The following LRRC37A2 variants were observed in gnomAD, a reference collection of about 807,000 sequenced individuals.
LRRC37A2 encodes the protein leucine-rich repeat-containing protein 37A2.
Under a neutral mutation model 68.8 loss-of-function variants are expected in LRRC37A2, and 9 were observed. The observed-to-expected ratio is 0.13, with a 90% CI of 0.08 to 0.23. The LOEUF is 0.23. Among genes scored for constraint, LRRC37A2 ranks in the 10% least tolerant of loss-of-function variants. LRRC37A2 has a pLI of 1.00. For synonymous variants in LRRC37A2, 63 were observed against 367.6 expected (o/e 0.17, Z 9.48); for missense variants, 168 against 950.4 (o/e 0.18, Z 10.82).
the LRRC37A2 span, among the ~76,000 whole-genome samples, chr17:46,834,188 C>G: frequency 6.6e-6 from 1 of 152,096 alleles, no homozygotes; most frequent in African/African-American, 2.4e-5. Flanking sequence ...GAGTGAGACC[C>G]TGTTTCAAAA....
chr17:46,749,687 T>G, the LRRC37A2 span: 1 of 1,263,698 alleles, frequency 7.9e-7, no homozygotes, highest in Non-Finnish European at 1.1e-6. Context: ...TAAATAAAAG[T>G]CTTTTGCAAA....
chr17:46,836,713 G>T, the LRRC37A2 span, among the ~76,000 whole-genome samples: 1 of 152,212 alleles, frequency 6.6e-6, no homozygotes, highest in Non-Finnish European at 1.5e-5. Context: ...GGCAAGCCAG[G>T]CTGGAGGTGA....
At chr17:46,859,667 G>A in the LRRC37A2 span, among the ~76,000 whole-genome samples, 3 of 152,124 alleles carry the variant, frequency 2.0e-5, no homozygotes, top group African/African-American at 7.2e-5. Context: ...AATTGCATGG[G>A]CTATTCAGGG....
the LRRC37A2 span, chr17:46,874,883 G>T: frequency 1.4e-6 from 1 of 714,180 alleles, no homozygotes; most frequent in Non-Finnish European, 2.4e-6. Context: ...CAGCCTGGAA[G>T]TTCCATTTAA....
At chr17:46,752,309 G>A in the LRRC37A2 span, among the ~76,000 whole-genome samples, 1 of 152,056 alleles carries the variant, frequency 6.6e-6, no homozygotes, top group Admixed American at 6.5e-5. Context: ...CCCATGCTGT[G>A]TCTTCTTGTC....
chr17:46,970,557 A>C, the LRRC37A2 span, among the ~76,000 whole-genome samples: 1 of 151,500 alleles, frequency 6.6e-6, no homozygotes, highest in East Asian at 1.9e-4. Context: ...AAAAAAAAAA[A>C]AAACTCAAGA....
At chr17:46,961,673 A>C in the LRRC37A2 span, among the ~76,000 whole-genome samples, 1 of 152,366 alleles carries the variant, frequency 6.6e-6, no homozygotes, top group East Asian at 1.9e-4. Context: ...TTTTTAAAAA[A>C]GGTCCAGCTG....
At chr17:47,038,599 CCT>C in the LRRC37A2 span, among the ~76,000 whole-genome samples, 1 of 142,738 alleles carries the variant, frequency 7.0e-6, no homozygotes, top group Non-Finnish European at 1.6e-5. Flanking sequence ...ACTCTCACCC[CCT>C]CCTTTATACT....
At chr17:46,967,520 C>T in the LRRC37A2 span, among the ~76,000 whole-genome samples, 5 of 151,892 alleles carry the variant, frequency 3.3e-5, no homozygotes, top group African/African-American at 1.2e-4. Context: ...TCTCAAAGGG[C>T]GAAGAGAAGG....
the LRRC37A2 span, among the ~76,000 whole-genome samples, chr17:46,943,304 G>C: frequency 6.6e-6 from 1 of 152,192 alleles, no homozygotes; most frequent in Non-Finnish European, 1.5e-5. Context: ...TCTCTGCTGA[G>C]TAAAGCACCT....
the LRRC37A2 span, among the ~76,000 whole-genome samples, chr17:46,874,778 A>C: frequency 6.6e-6 from 1 of 152,136 alleles, no homozygotes; most frequent in African/African-American, 2.4e-5. Context: ...GGGTTTCACC[A>C]TATTGGCCAG....
At chr17:46,392,420 TCTTTCTTTCTC>T in the LRRC37A2 span, among the ~76,000 whole-genome samples, 30 of 54,332 alleles carry the variant, frequency 5.5e-4, no homozygotes, top group African/African-American at 1.6e-3. Context: ...TCTCTCTCTC[TCTTTCTTTCTC>T]TCTTTCTTTC....
At chr17:47,026,988 G>A in the LRRC37A2 span, among the ~76,000 whole-genome samples, 2 of 152,236 alleles carry the variant, frequency 1.3e-5, no homozygotes, top group African/African-American at 4.8e-5. Context: ...TCGGCTCACT[G>A]CAAGCTCCAC....
At chr17:46,676,303 G>T in the LRRC37A2 span, among the ~76,000 whole-genome samples, 61 of 141,442 alleles carry the variant, frequency 4.3e-4, 1 homozygote, top group African/African-American at 1.7e-3. Flanking sequence ...CGTGATCTCG[G>T]CTCACCACAA....
At chr17:46,753,021 G>A in the LRRC37A2 span, among the ~76,000 whole-genome samples, 1 of 152,168 alleles carries the variant, frequency 6.6e-6, no homozygotes, top group Admixed American at 6.5e-5. Flanking sequence ...TGCCCGCCTC[G>A]GCCTCCCAAA....
chr17:46,785,700 A>C, the LRRC37A2 span, among the ~76,000 whole-genome samples: 2 of 152,220 alleles, frequency 1.3e-5, no homozygotes, highest in Non-Finnish European at 2.9e-5. Context: ...GGTTCTGGGC[A>C]GCCGTGGGGA....
the LRRC37A2 span, among the ~76,000 whole-genome samples, chr17:47,014,434 C>T: frequency 2.6e-5 from 4 of 151,690 alleles, no homozygotes; most frequent in East Asian, 1.9e-4. Flanking sequence ...ACTCAAGGGT[C>T]GGATAACATA....
the LRRC37A2 span, among the ~76,000 whole-genome samples, chr17:46,727,793 G>C: frequency 6.6e-6 from 1 of 152,172 alleles, no homozygotes; most frequent in African/African-American, 2.4e-5. Flanking sequence ...TGTCAGGAAT[G>C]TGTGCCCTCT....
At chr17:46,534,775 G>A (rs1390035698) in intron 6 of LRRC37A2, among the ~76,000 whole-genome samples, 1 of 149,078 alleles carries the variant, frequency 6.7e-6, no homozygotes, top group Non-Finnish European at 1.5e-5. Flanking sequence ...GGGGCAGCCG[G>A]GCAGAGGCGC....
Sources: gnomAD v4.1 joint callset for allele counts (sites outside exome capture counted in the v4.1 genomes callset) on GRCh38, gnomAD v4.1.1 for gene constraint, MANE v1.5 for transcripts, NCBI Gene and HGNC (gene_info 2026-07-23, HGNC 2026-07-21) for gene names.